The following FOXO1 variants were observed in gnomAD, a reference collection of about 807,000 sequenced individuals.
FOXO1 encodes the protein forkhead box protein O1.
A neutral mutation model predicts 44.1 loss-of-function variants in FOXO1; 6 were observed. That is an observed-to-expected ratio of 0.14 (90% CI 0.07 to 0.27). The LOEUF (loss-of-function observed/expected upper bound fraction) is 0.27. FOXO1 is among the 10% of genes least tolerant of loss of function. The probability of loss-of-function intolerance (pLI) is 1.00; values close to 1 mark genes in which losing one functional copy is unlikely to be tolerated. For missense variants in FOXO1, 737 were observed against 888.8 expected (o/e 0.83, Z 2.17); for synonymous variants, 380 against 362.7 (o/e 1.05, Z -0.54).
chr13:40,649,657 TTTTAA>T (rs1420960568), intron 1 of FOXO1, among the ~76,000 whole-genome samples: 1 of 152,224 alleles, frequency 6.6e-6, no homozygotes, highest in Non-Finnish European at 1.5e-5. Flanking sequence ...ACAATAATTA[TTTTAA>T]TTTTTTTCTT....
intron 1 of FOXO1, among the ~76,000 whole-genome samples, chr13:40,580,914 G>A (rs113949983): frequency 1.3e-5 from 2 of 152,304 alleles, no homozygotes; most frequent in African/African-American, 2.4e-5. Context: ...CTCCAGGAAA[G>A]TATCTACAGC....
chr13:40,640,797 G>T (rs1216740642), intron 1 of FOXO1, among the ~76,000 whole-genome samples: 2 of 77,344 alleles, frequency 2.6e-5, no homozygotes, highest in Non-Finnish European at 5.3e-5. Context: ...TGTTGTTGTT[G>T]TTTGAGACAG....
intron 1 of FOXO1, among the ~76,000 whole-genome samples, chr13:40,620,799 CTTTT>C (rs111991105): frequency 8.2e-6 from 1 of 121,228 alleles, no homozygotes; most frequent in Admixed American, 8.9e-5. Context: ...CTTCCCCTTG[CTTTT>C]TTTTTTTTTT....
At chr13:40,571,902 G>A (rs1874530093) in intron 1 of FOXO1, among the ~76,000 whole-genome samples, 1 of 152,132 alleles carries the variant, frequency 6.6e-6, no homozygotes, top group South Asian at 2.1e-4. Context: ...GAACGCATTA[G>A]GATCTACTCT....
chr13:40,588,877 G>A (rs1403247400), intron 1 of FOXO1, among the ~76,000 whole-genome samples: 1 of 152,100 alleles, frequency 6.6e-6, no homozygotes, highest in Non-Finnish European at 1.5e-5. Flanking sequence ...GGCCGAGGTG[G>A]GCAGATTGCT....
intron 1 of FOXO1, chr13:40,619,760 C>A: frequency 1.2e-6 from 1 of 845,710 alleles, no homozygotes; most frequent in Non-Finnish European, 2.1e-6. Context: ...AAAAATGGAA[C>A]TGGGGGATCA....
chr13:40,665,967 G>C lies in FOXO1; in HGVS notation c.246C>G (p.Asp82Glu). 1 of 1,232,774 alleles carries C rather than the reference G, an allele frequency of 8.1e-7. No homozygotes were observed. Among genetic ancestry groups the C allele is most frequent in the South Asian group, 4.0e-5 (1 of 25,248 alleles). 76.4% of individuals were successfully genotyped at this position (1,232,774 alleles called of 1,614,324 possible). A position where few individuals can be genotyped will look rare whatever the true frequency, so the allele number is the denominator to read the frequency against. ...SNLSLLEESE[D>E]FPQAPGSVAA... Reference sequence around the variant, plus strand: ...CCACGGAGCCGGGCGCCTGCGGGAAGTCCTCGCTCTCCTCCAGCAAGCTCA... The same window carrying C: ...CCACGGAGCCGGGCGCCTGCGGGAACTCCTCGCTCTCCTCCAGCAAGCTCA... Residue 82 changes from aspartate to glutamate, a missense_variant, in exon 1 of 3, where the codon GAC becomes GAG. By Grantham distance (45) the Asp-to-Glu change is conservative (BLOSUM62 2). Coordinates refer to ENST00000379561, the MANE Select transcript of FOXO1 (RefSeq NM_002015.4).
intron 1 of FOXO1, among the ~76,000 whole-genome samples, chr13:40,664,759 G>A (rs1485988742): frequency 2.6e-5 from 4 of 151,888 alleles, no homozygotes; most frequent in Admixed American, 2.6e-4. Context: ...CGGCCCCGAC[G>A]CGCTGGCCCT....
intron 1 of FOXO1, among the ~76,000 whole-genome samples, chr13:40,607,941 T>TCAGA (rs1876080466): frequency 6.6e-6 from 1 of 152,224 alleles, no homozygotes. Flanking sequence ...TGAACCCAGA[T>TCAGA]CTCTTAAGTC....
chr13:40,659,083 T>C (rs528869788), intron 1 of FOXO1, among the ~76,000 whole-genome samples: 2 of 151,864 alleles, frequency 1.3e-5, no homozygotes, highest in East Asian at 2.0e-4. Context: ...CCCAGCACTT[T>C]AGGTGGGCAG....
intron 1 of FOXO1, among the ~76,000 whole-genome samples, chr13:40,595,158 A>G (rs943976081): frequency 7.2e-5 from 11 of 152,262 alleles, no homozygotes; most frequent in Non-Finnish European, 1.5e-5. Context: ...AGGAGGTTTA[A>G]TAAGTCAGAC....
chr13:40,630,527 C>T (rs546021827), intron 1 of FOXO1, among the ~76,000 whole-genome samples: 2 of 151,842 alleles, frequency 1.3e-5, no homozygotes, highest in Non-Finnish European at 2.9e-5. Flanking sequence ...CAGTGGCGCG[C>T]GCCTGTAATC....
chr13:40,602,749 T>G (rs1875855782), intron 1 of FOXO1, among the ~76,000 whole-genome samples: 1 of 152,194 alleles, frequency 6.6e-6, no homozygotes, highest in South Asian at 2.1e-4. Context: ...TACCTGCCAA[T>G]CATTTAAGGC....
At chr13:40,623,566 T>C (rs987667522) in intron 1 of FOXO1, among the ~76,000 whole-genome samples, 6 of 152,152 alleles carry the variant, frequency 3.9e-5, no homozygotes, top group Non-Finnish European at 7.4e-5. Flanking sequence ...GGCACAGAAA[T>C]GTTTGCTGAC....
intron 1 of FOXO1, among the ~76,000 whole-genome samples, chr13:40,659,464 ATTT>A (rs781449389): frequency 6.8e-6 from 1 of 146,710 alleles, no homozygotes; most frequent in African/African-American, 2.5e-5. Flanking sequence ...CTCTCCCTTG[ATTT>A]TTTTTTTTTC....
intron 1 of FOXO1, among the ~76,000 whole-genome samples, chr13:40,665,319 A>G (rs928803165): frequency 6.6e-6 from 1 of 152,110 alleles, no homozygotes; most frequent in Admixed American, 6.5e-5. Context: ...TCTGACGTCC[A>G]CTTCTTGGCG....
intron 1 of FOXO1, among the ~76,000 whole-genome samples, chr13:40,587,327 C>A (rs1875205824): frequency 6.8e-6 from 1 of 147,942 alleles, no homozygotes. Context: ...CAATAAGAAG[C>A]AAATACGAAC....
chr13:40,560,527 T>C lies in FOXO1; in HGVS notation c.964A>G (p.Ser322Gly). The C allele has an allele frequency of 6.2e-7, 1 of 1,614,180 alleles. No homozygotes were observed. The highest frequency in any genetic ancestry group is 1.1e-5 in the South Asian group (1 of 91,084). The change falls in exon 2 of 3, where the codon AGT becomes GGT. Residue 322 changes from serine to glycine, a missense_variant. Ser to Gly is a moderately conservative substitution (Grantham distance 56, BLOSUM62 0). Coordinates refer to ENST00000379561, the MANE Select transcript of FOXO1 (RefSeq NM_002015.4). This position sits in a 1 kb window ranked among gnomAD's most constrained non-coding sequence, Gnocchi z 5.1. ...GGTGAGAGTCTCCCACTAATAGTAC[T>C]AGCATTTGAGCTAGTTCGAGGGCGA... ...TFRPRTSSNA[S>G]TISGRLSPIM...
At chr13:40,578,701 G>T (rs976234126) in intron 1 of FOXO1, among the ~76,000 whole-genome samples, 1 of 152,162 alleles carries the variant, frequency 6.6e-6, no homozygotes, top group Non-Finnish European at 1.5e-5. Flanking sequence ...TGAATTCACT[G>T]AAAAAATACC....
Sources: gnomAD v4.1 joint callset for allele counts (sites outside exome capture counted in the v4.1 genomes callset) on GRCh38, gnomAD v4.1.1 for gene constraint, Gnocchi (gnomAD v3.1) non-coding constraint, MANE v1.5 for transcripts, NCBI Gene and HGNC (gene_info 2026-07-23, HGNC 2026-07-21) for gene names.